SRRM4: variants seen among roughly 807,000 people sequenced by gnomAD.
SRRM4 encodes serine/arginine repetitive matrix 4.
SRRM4 carries 33 observed loss-of-function variants against 68.9 expected under a neutral mutation model. That is an observed-to-expected ratio of 0.48 (90% CI 0.36 to 0.64). The LOEUF (loss-of-function observed/expected upper bound fraction) is 0.64. Among genes scored for constraint, SRRM4 ranks in the 30% least tolerant of loss-of-function variants. The pLI is 0.00. For synonymous variants in SRRM4, 318 were observed against 318.8 expected, an observed-to-expected ratio of 1.00 and a Z score of 0.03; for missense variants, 817 against 827.1, an observed-to-expected ratio of 0.99 and a Z score of 0.15.
At chr12:118,999,593 CAG>C (rs1200359866) in intron 1 of SRRM4, among the ~76,000 whole-genome samples, 1 of 152,154 alleles carries the variant, frequency 6.6e-6, no homozygotes, top group Non-Finnish European at 1.5e-5. Context: ...CTAAAACTAA[CAG>C]AGTTATTTAT....
At chr12:119,010,496 T>G (rs993720200) in intron 1 of SRRM4, among the ~76,000 whole-genome samples, 2 of 152,232 alleles carry the variant, frequency 1.3e-5, no homozygotes, top group Non-Finnish European at 2.9e-5. Context: ...GAGTTTAAAC[T>G]ACACATTTTG....
intron 1 of SRRM4, among the ~76,000 whole-genome samples, chr12:119,028,050 A>C (rs1045302255): frequency 7.2e-5 from 11 of 152,228 alleles, no homozygotes; most frequent in Non-Finnish European, 1.3e-4. Flanking sequence ...CATGAATCGG[A>C]ATCACCTGGA....
At chr12:119,135,012 T>C (rs150787529) in intron 8 of SRRM4, among the ~76,000 whole-genome samples, 11 of 152,302 alleles carry the variant, frequency 7.2e-5, no homozygotes, top group African/African-American at 2.6e-4. Context: ...AAACAGTTAT[T>C]TGAAGTAGGT....
chr12:119,128,275 C>A (rs1263264036), intron 7 of SRRM4, among the ~76,000 whole-genome samples: 1 of 152,296 alleles, frequency 6.6e-6, no homozygotes, highest in Middle Eastern at 3.4e-3. Flanking sequence ...ATCTCTCTAC[C>A]CTGCCTAATA....
intron 2 of SRRM4, among the ~76,000 whole-genome samples, chr12:119,103,998 G>A (rs970571583): frequency 3.9e-5 from 6 of 152,146 alleles, no homozygotes; most frequent in African/African-American, 4.8e-5. Flanking sequence ...GTGAGACTCC[G>A]TCTCAAAATA....
chr12:119,060,468 C>T (rs548134913), intron 1 of SRRM4, among the ~76,000 whole-genome samples: 16 of 150,674 alleles, frequency 1.1e-4, no homozygotes, highest in African/African-American at 3.2e-4. Flanking sequence ...CACTCATGCA[C>T]GTACACATTC....
At chr12:119,085,201 C>T (rs1953972500) in intron 1 of SRRM4, among the ~76,000 whole-genome samples, 1 of 152,224 alleles carries the variant, frequency 6.6e-6, no homozygotes, top group Admixed American at 6.5e-5. Flanking sequence ...TGAGGCTGGC[C>T]AATGCCATTT....
At position 119,120,316 on chromosome 12, in the gene SRRM4, C is replaced by T. The variant is rs753984829; in HGVS notation, c.464+40C>T. The T allele has an allele frequency of 3.9e-6, 6 of 1,549,134 alleles. No individual in the cohort carries two copies. The South Asian group carries it at 7.2e-5, about 19-fold the overall frequency. ...CTCTGACTGCCTGTTCAATTTTCTG[C>T]TTTCTCAGCCAGCTTGGGGCAGCTT... On this transcript the variant is annotated intron_variant, in intron 5 of 12. Coordinates refer to ENST00000267260, the MANE Select transcript of SRRM4 (RefSeq NM_194286.4).
intron 1 of SRRM4, among the ~76,000 whole-genome samples, chr12:118,988,099 T>C (rs1346057695): frequency 6.6e-6 from 1 of 151,790 alleles, no homozygotes; most frequent in South Asian, 2.1e-4. Context: ...AGCATGATAA[T>C]GTAGGGAGAA....
chr12:119,066,774 C>G (rs373125899), intron 1 of SRRM4, among the ~76,000 whole-genome samples: 1 of 152,166 alleles, frequency 6.6e-6, no homozygotes, highest in African/African-American at 2.4e-5. Context: ...TTACATAGTT[C>G]CTCCCTCTTT....
At chr12:119,007,379 C>A (rs976958207) in intron 1 of SRRM4, among the ~76,000 whole-genome samples, 1 of 152,214 alleles carries the variant, frequency 6.6e-6, no homozygotes, top group Non-Finnish European at 1.5e-5. Flanking sequence ...TCCTTCTAGA[C>A]TCACTAACTT....
chr12:119,019,949 T>TC lies in SRRM4; in HGVS notation c.131+37948dup, dbSNP rs200015673. 6.0e-4 allele frequency among the ~76,000 whole-genome samples: 26 copies of TC among 43,350 alleles called. 1 individual carries two copies. The highest frequency in any genetic ancestry group is 1.1e-3 in the Admixed American group (5 of 4,612). 28.4% of individuals were successfully genotyped at this position (43,350 alleles called of 152,430 possible). ...GAAAGCTCTGGACAGTTCCCCCCGC[T>TC]CCCCCCCCCCCCAAAAAAAAATCAC... On this transcript the variant is annotated intron_variant, in intron 1 of 12. Coordinates refer to ENST00000267260, the MANE Select transcript of SRRM4 (RefSeq NM_194286.4).
chr12:119,017,447 T>C (rs971252435), intron 1 of SRRM4, among the ~76,000 whole-genome samples: 5 of 152,320 alleles, frequency 3.3e-5, no homozygotes, highest in Non-Finnish European at 4.4e-5. Context: ...GACTGTGGGC[T>C]TGTGTGTCTG....
At chr12:119,136,958 C>T (rs182346871) in intron 8 of SRRM4, among the ~76,000 whole-genome samples, 79 of 152,322 alleles carry the variant, frequency 5.2e-4, no homozygotes, top group African/African-American at 1.8e-3. Flanking sequence ...GCACATCTCC[C>T]TTCTCTTTCT....
chr12:119,050,138 G>A (rs772916537), intron 1 of SRRM4, among the ~76,000 whole-genome samples: 2 of 152,120 alleles, frequency 1.3e-5, no homozygotes, highest in East Asian at 1.9e-4. Flanking sequence ...CCTCCAGGAC[G>A]GTGACAGCAA....
chr12:119,142,616 C>A (rs538880479), intron 8 of SRRM4, among the ~76,000 whole-genome samples: 1 of 152,110 alleles, frequency 6.6e-6, no homozygotes, highest in Non-Finnish European at 1.5e-5. Flanking sequence ...GGTAGCAAAC[C>A]ACAAGATAAT....
intron 1 of SRRM4, among the ~76,000 whole-genome samples, chr12:119,068,822 G>A (rs1288888979): frequency 2.6e-5 from 4 of 152,082 alleles, no homozygotes; most frequent in African/African-American, 7.2e-5. Context: ...ACAGAGAGGC[G>A]GGGGATGGCA....
chr12:118,994,513 G>A lies in SRRM4; in HGVS notation c.131+12500G>A, dbSNP rs79929504. ...GCCTTTCCTCTCACTGGAAAATAGC[G>A]TGCTCTGCATTCCCACCCCTCCAAT... On this transcript the variant is annotated intron_variant, in intron 1 of 12. Transcript: ENST00000267260. Among the ~76,000 whole-genome samples, 1,024 of 152,242 alleles carry A rather than the reference G, an allele frequency of 6.7e-3. 27 individuals carry two copies. In the East Asian group the frequency reaches 0.1, roughly 16 times the overall value.
chr12:119,001,497 C>A (rs1317675555), intron 1 of SRRM4, among the ~76,000 whole-genome samples: 1 of 152,314 alleles, frequency 6.6e-6, no homozygotes, highest in Middle Eastern at 3.4e-3. Context: ...CTGATCAGTT[C>A]TTTCTCTGTA....
Sources: allele counts gnomAD v4.1 joint callset (sites outside exome capture counted in the v4.1 genomes callset), GRCh38; gene constraint gnomAD v4.1.1; transcripts MANE v1.5; gene names NCBI Gene and HGNC (gene_info 2026-07-23, HGNC 2026-07-21).